Variants in DTX1 observed in about 807,000 individuals in gnomAD.
DTX1 encodes the protein E3 ubiquitin-protein ligase DTX1.
Under a neutral mutation model 57.8 loss-of-function variants are expected in DTX1, and 26 were observed. The observed-to-expected ratio is 0.45, with a 90% CI of 0.33 to 0.62. The LOEUF (loss-of-function observed/expected upper bound fraction) is 0.62, where lower values mean the gene tolerates loss of function less well. Ranked by LOEUF, DTX1 falls within the 20% of genes least tolerant of loss-of-function variation. DTX1 has a pLI of 0.02. For missense variants in DTX1, 704 were observed against 895.3 expected, an observed-to-expected ratio of 0.79 and a Z score of 2.73; for synonymous variants, 398 against 394.1, an observed-to-expected ratio of 1.01 and a Z score of -0.12.
rs1592860866 is a variant in DTX1 at position 113,097,095 on chromosome 12, G to A, written c.*156G>A. On this transcript the variant is annotated 3_prime_UTR_variant, in exon 10 of 10. Coordinates refer to ENST00000548759, the MANE Select transcript of DTX1 (RefSeq NM_004416.3). ...GGACCTGCCTGGTGGCAGCTGGGAT[G>A]AAGAGAGATGGCATGTCAGGCTGGC... The A allele has an allele frequency of 2.6e-6, 2 of 779,578 alleles. No homozygotes were observed. The highest frequency in any genetic ancestry group is 2.7e-5 in the East Asian group (1 of 36,812). 48.3% of individuals were successfully genotyped at this position (779,578 alleles called of 1,614,324 possible). A position where few individuals can be genotyped will look rare whatever the true frequency, so the allele number is the denominator to read the frequency against.
rs1414118707 is a variant in DTX1, at chr12:113,058,048, C to A, written c.-145C>A. On this transcript the variant is annotated 5_prime_UTR_variant, in exon 2 of 10. Transcript: ENST00000548759. ...CATTCCTTTAACGGAGGTCTCTAGG[C>A]CTCAGAGAGAACCCAGAGTTAGAAA... 3.0e-6 allele frequency: 4 copies of A among 1,318,518 alleles called. No homozygotes were observed. Among genetic ancestry groups the A allele is most frequent in the Non-Finnish European group, 4.0e-6 (4 of 993,216 alleles). The allele number at this position is 1,318,518 out of a possible 1,614,324, so 81.7% of individuals were successfully genotyped here. A position where few individuals can be genotyped will look rare whatever the true frequency, so the allele number is the denominator to read the frequency against.
intron 3 of DTX1, chr12:113,089,848 T>C (rs1391915306): frequency 6.6e-6 from 1 of 152,212 alleles, no homozygotes; most frequent in African/African-American, 2.4e-5. Flanking sequence ...GCAGCTGAGA[T>C]CTAAATCCTT....
chr12:113,086,717 C>G (rs886784969), intron 3 of DTX1, among the ~76,000 whole-genome samples: 2 of 151,896 alleles, frequency 1.3e-5, no homozygotes, highest in Non-Finnish European at 2.9e-5. Context: ...TCCACATTTT[C>G]TTTCTCCAGA....
intron 3 of DTX1, among the ~76,000 whole-genome samples, chr12:113,081,793 AG>A (rs1485681178): frequency 6.6e-6 from 1 of 152,090 alleles, no homozygotes; most frequent in African/African-American, 2.4e-5. Context: ...GCAGGTGCAA[AG>A]GGGCAGAGGT....
At position 113,057,628 on chromosome 12, in the gene DTX1, A is replaced by AG. The variant is rs1362648041; in HGVS notation, c.-560dup. 6.5e-6 allele frequency: 1 copy of AG among 154,984 alleles called. No individual in the cohort carries two copies. Among genetic ancestry groups the AG allele is most frequent in the Non-Finnish European group, 1.4e-5 (1 of 69,832 alleles). The allele number at this position is 154,984 out of a possible 1,614,324, so 9.6% of individuals were successfully genotyped here. ...TCCAGGACACCGTGGAGAGGGAACAAGGGGGCAGGGACGCCCCCTTCGGCA... is the reference window on the plus strand; with the variant it reads ...TCCAGGACACCGTGGAGAGGGAACAAGGGGGGCAGGGACGCCCCCTTCGGCA... On this transcript the variant is annotated 5_prime_UTR_variant, in exon 2 of 10. Transcript: ENST00000548759.
intron 3 of DTX1, among the ~76,000 whole-genome samples, chr12:113,086,846 G>T (rs781675893): frequency 1.1e-4 from 2 of 17,790 alleles, no homozygotes; most frequent in Non-Finnish European, 2.1e-4. Context: ...TTTCTGCCCC[G>T]CTAGCCACTG....
intron 2 of DTX1, among the ~76,000 whole-genome samples, chr12:113,061,282 G>A (rs2044661822): frequency 6.6e-6 from 1 of 152,188 alleles, no homozygotes; most frequent in African/African-American, 2.4e-5. Context: ...AACCAGAGAG[G>A]GAGGAAGGCC....
At chr12:113,094,155 C>CCT in intron 6 of DTX1, 56 bp downstream of exon 6, 1 of 1,475,454 alleles carries the variant, frequency 6.8e-7, no homozygotes, top group South Asian at 1.2e-5. Context: ...GGGCAGGAAC[C>CCT]CTCACCCCTC....
intron 2 of DTX1, among the ~76,000 whole-genome samples, chr12:113,067,814 T>G (rs2136426179): frequency 6.6e-6 from 1 of 152,222 alleles, no homozygotes. Flanking sequence ...GGAGGATCAC[T>G]TGAGCACAGG....
chr12:113,061,547 G>T (rs1442474363), intron 2 of DTX1, among the ~76,000 whole-genome samples: 2 of 152,188 alleles, frequency 1.3e-5, no homozygotes, highest in Non-Finnish European at 2.9e-5. Flanking sequence ...CCGTGAAATG[G>T]GTGAGAGGAT....
chr12:113,072,375 T>A (rs1192361365), intron 2 of DTX1, among the ~76,000 whole-genome samples: 2 of 152,308 alleles, frequency 1.3e-5, no homozygotes, highest in East Asian at 3.9e-4. Flanking sequence ...GTTTGCCAAC[T>A]ATAGCAACAG....
intron 3 of DTX1, among the ~76,000 whole-genome samples, chr12:113,079,435 C>G (rs1437790151): frequency 6.6e-6 from 1 of 151,704 alleles, no homozygotes; most frequent in African/African-American, 2.4e-5. Context: ...GGCCAGGACC[C>G]TGAACTAGGT....
chr12:113,090,857 TGTCA>T (rs1274212513), intron 3 of DTX1, among the ~76,000 whole-genome samples: 1 of 152,208 alleles, frequency 6.6e-6, no homozygotes. Context: ...AGTGTCTGTG[TGTCA>T]GTGTCAGGAG....
rs894875581 is a variant in DTX1, at chr12:113,059,072, G to C, written c.259+621G>C. On this transcript the variant is annotated intron_variant, in intron 2 of 9. Coordinates refer to ENST00000548759, the MANE Select transcript of DTX1 (RefSeq NM_004416.3). ...AATTAATTGGGGATGGGGGGCGTTG[G>C]TGGTGTTGATGGTGGGGTGAGGTGG... Among the ~76,000 whole-genome samples, 3 of 152,072 alleles carry C rather than the reference G, an allele frequency of 2.0e-5. No homozygotes were observed. In the East Asian group the frequency reaches 5.8e-4, roughly 29 times the overall value.
intron 3 of DTX1, among the ~76,000 whole-genome samples, chr12:113,085,485 T>C (rs1367919424): frequency 1.3e-5 from 2 of 152,254 alleles, no homozygotes; most frequent in East Asian, 1.9e-4. Context: ...ACCTGAGAAC[T>C]TTTTCCTGTT....
At chr12:113,060,673 G>T (rs2044658504) in intron 2 of DTX1, among the ~76,000 whole-genome samples, 1 of 152,244 alleles carries the variant, frequency 6.6e-6, no homozygotes, top group Non-Finnish European at 1.5e-5. Flanking sequence ...ATTTGATCCA[G>T]AGAGTAGAAG....
chr12:113,087,150 T>C, intron 3 of DTX1, among the ~76,000 whole-genome samples: 1 of 151,730 alleles, frequency 6.6e-6, no homozygotes, highest in Non-Finnish European at 1.5e-5. Flanking sequence ...GCAGCCCCCA[T>C]ACCTCTAGAT....
intron 3 of DTX1, among the ~76,000 whole-genome samples, chr12:113,086,318 A>C (rs1376316311): frequency 6.6e-6 from 1 of 151,664 alleles, no homozygotes; most frequent in African/African-American, 2.4e-5. Flanking sequence ...GCCAGACAGC[A>C]GAACAGCATG....
intron 2 of DTX1, among the ~76,000 whole-genome samples, chr12:113,059,019 GT>G (rs1318720560): frequency 5.9e-5 from 9 of 152,102 alleles, no homozygotes; most frequent in African/African-American, 2.2e-4. Flanking sequence ...CCAAGTGTTG[GT>G]TTGTGGGGTG....
Sources: gnomAD v4.1 joint callset for allele counts (sites outside exome capture counted in the v4.1 genomes callset) on GRCh38, gnomAD v4.1.1 for gene constraint, MANE v1.5 for transcripts, NCBI Gene and HGNC (gene_info 2026-07-23, HGNC 2026-07-21) for gene names.